The following ATG4C variants were observed in gnomAD, a reference collection of about 807,000 sequenced individuals.
ATG4C encodes autophagy related 4C cysteine peptidase.
Under a neutral mutation model 57.6 loss-of-function variants are expected in ATG4C, and 56 were observed. That is an observed-to-expected ratio of 0.97 (90% CI 0.78 to 1.21). ATG4C has a LOEUF of 1.21. Among genes scored for constraint, ATG4C ranks in the 50% most tolerant of loss-of-function variants. ATG4C has a pLI of 0.00. For synonymous variants in ATG4C, 157 were observed against 174.1 expected, an observed-to-expected ratio of 0.90 and a Z score of 0.78; for missense variants, 595 against 529.8, an observed-to-expected ratio of 1.12 and a Z score of -1.21.
chr1:62,820,185 TATAAAAGCATAATC>T (rs1393666483), intron 5 of ATG4C, among the ~76,000 whole-genome samples: 1 of 152,104 alleles, frequency 6.6e-6, no homozygotes, highest in Non-Finnish European at 1.5e-5. Flanking sequence ...GTATGACATT[TATAAAAGCATAATC>T]ATAAAAGCAT....
In ATG4C at chr1:62,805,210, T is replaced by A; in HGVS notation, c.115T>A (p.Ser39Thr). The stretch of plus-strand genomic sequence containing the variant: ...AACAAAGACGTATTTTAGTAGAAAT[T>A]CTCCTGTATTATTGCTTGGAAAATG... ...LKTKTYFSRN[S>T]PVLLLGKCYH... Residue 39 changes from serine (S) to threonine (T), a missense_variant, in exon 3 of 11, where the codon TCT becomes ACT. Physicochemically the swap from Ser to Thr is moderately conservative, Grantham distance 58. Coordinates refer to ENST00000317868, the MANE Select transcript of ATG4C (RefSeq NM_032852.4). 6.5e-7 allele frequency: 1 copy of A among 1,526,924 alleles called. No homozygotes were observed. Among genetic ancestry groups the A allele is most frequent in the Non-Finnish European group, 8.7e-7 (1 of 1,147,610 alleles). The allele number at this position is 1,526,924 out of a possible 1,614,324, so 94.6% of individuals were successfully genotyped here.
chr1:62,863,792 A>G (rs1468545697), intron 10 of ATG4C, among the ~76,000 whole-genome samples, 200 bp from the exon 11 acceptor site: 1 of 152,072 alleles, frequency 6.6e-6, no homozygotes, highest in African/African-American at 2.4e-5. Context: ...ATGAAGGAGC[A>G]TGCATTTACC....
chr1:62,859,688 T>C (rs1451034842), intron 10 of ATG4C, among the ~76,000 whole-genome samples: 1 of 136,302 alleles, frequency 7.3e-6, no homozygotes, highest in African/African-American at 2.7e-5. Flanking sequence ...ATTAACCATA[T>C]CTTTCTGTAA....
At chr1:62,835,355 A>T (rs1665967108) in intron 9 of ATG4C, 1 of 332,698 alleles carries the variant, frequency 3.0e-6, no homozygotes, top group Non-Finnish European at 6.1e-6. Flanking sequence ...TTGAGCTTTT[A>T]TTTCTTAACC....
At chr1:62,792,460 T>C (rs1461801782) in intron 1 of ATG4C, among the ~76,000 whole-genome samples, 1 of 152,154 alleles carries the variant, frequency 6.6e-6, no homozygotes, top group Non-Finnish European at 1.5e-5. Context: ...TCAGATGGGC[T>C]CTCCAATGGA....
chr1:62,820,634 T>C (rs1051658383), intron 5 of ATG4C, among the ~76,000 whole-genome samples: 37 of 152,236 alleles, frequency 2.4e-4, no homozygotes, highest in African/African-American at 8.4e-4. Flanking sequence ...GTTTTACTTA[T>C]ATAATTTCAA....
At chr1:62,850,941 T>C (rs1666505784) in intron 10 of ATG4C, among the ~76,000 whole-genome samples, 1 of 145,896 alleles carries the variant, frequency 6.9e-6, no homozygotes, top group Admixed American at 6.9e-5. Context: ...TTATCTATCA[T>C]CTGTTTATTC....
At chr1:62,804,480 T>C (rs1664790797) in intron 2 of ATG4C, among the ~76,000 whole-genome samples, 1 of 151,954 alleles carries the variant, frequency 6.6e-6, no homozygotes, top group Admixed American at 6.6e-5. Flanking sequence ...ACATATAGAA[T>C]TTATTCAGGT....
chr1:62,854,522 C>A (rs928891939), intron 10 of ATG4C, among the ~76,000 whole-genome samples: 3 of 152,116 alleles, frequency 2.0e-5, no homozygotes, highest in Non-Finnish European at 4.4e-5. Context: ...TGTGATCCTC[C>A]CACCTCGGCC....
chr1:62,845,010 C>T (rs1666286502), intron 10 of ATG4C, among the ~76,000 whole-genome samples: 1 of 151,858 alleles, frequency 6.6e-6, no homozygotes, highest in African/African-American at 2.4e-5. Flanking sequence ...TTTCTGAGAA[C>T]TTAAAACTCC....
chr1:62,803,334 C>T (rs1260632531), intron 1 of ATG4C, among the ~76,000 whole-genome samples: 1 of 152,154 alleles, frequency 6.6e-6, no homozygotes, highest in Non-Finnish European at 1.5e-5. Context: ...TTTCAAATCA[C>T]CTTCTCTAAT....
chr1:62,833,449 T>C (rs1665902961), intron 7 of ATG4C, among the ~76,000 whole-genome samples: 1 of 152,180 alleles, frequency 6.6e-6, no homozygotes, highest in Non-Finnish European at 1.5e-5. Flanking sequence ...ATTCCTGATA[T>C]TTTATGATTA....
At chr1:62,798,651 T>G (rs889692569) in intron 1 of ATG4C, among the ~76,000 whole-genome samples, 1 of 150,116 alleles carries the variant, frequency 6.7e-6, no homozygotes, top group Admixed American at 6.6e-5. Flanking sequence ...TAATATTTGT[T>G]TTTTTTTTTT....
chr1:62,864,089 A>G lies in ATG4C; in HGVS notation c.1307A>G (p.Glu436Gly). Residue 436 changes from glutamate (E) to glycine (G), a missense_variant, in exon 11 of 11, where the codon GAA becomes GGA. Transcript: ENST00000317868. ...YDFTSTTTNE[E>G]DLFSEDEKKQ... Reference sequence around the variant, plus strand: ...TTTACATCTACTACAACCAATGAAGAAGACCTTTTTTCAGAGGATGAAAAG... The same window carrying G: ...TTTACATCTACTACAACCAATGAAGGAGACCTTTTTTCAGAGGATGAAAAG... 6.2e-7 allele frequency: 1 copy of G among 1,608,282 alleles called. No individual in the cohort carries two copies. The highest frequency in any genetic ancestry group is 8.5e-7 in the Non-Finnish European group (1 of 1,177,600).
chr1:62,841,151 T>G (rs1175609129), intron 9 of ATG4C, among the ~76,000 whole-genome samples: 1 of 152,186 alleles, frequency 6.6e-6, no homozygotes, highest in East Asian at 1.9e-4. Context: ...GTGTTAGAAA[T>G]GCATACCACT....
chr1:62,865,423 G>C lies in ATG4C; in HGVS notation c.*1264G>C, dbSNP rs898830015. The C allele has an allele frequency of 6.6e-6, 1 of 151,830 alleles. No homozygotes were observed. The highest frequency in any genetic ancestry group is 2.4e-5 in the African/African-American group (1 of 41,390). The allele number at this position is 151,830 out of a possible 1,614,324, so 9.4% of individuals were successfully genotyped here. A position where few individuals can be genotyped will look rare whatever the true frequency, so the allele number is the denominator to read the frequency against. On this transcript the variant is annotated 3_prime_UTR_variant, in exon 11 of 11. Coordinates refer to ENST00000317868, the MANE Select transcript of ATG4C (RefSeq NM_032852.4). Reference sequence around the variant, plus strand: ...GTAAAGCTGAAAGAGAGGGTGGGCGGATTGTTTTAGTATACCTGATGAGAA... The same window carrying C: ...GTAAAGCTGAAAGAGAGGGTGGGCGCATTGTTTTAGTATACCTGATGAGAA...
Position 62,819,284 on chromosome 1 carries a change from G to A in ATG4C, c.674G>A (p.Gly225Glu), listed in dbSNP as rs531433477. 2.5e-6 allele frequency: 4 copies of A among 1,608,402 alleles called. No individual in the cohort carries two copies. The Admixed American group carries it at 6.8e-5, about 27-fold the overall frequency. Residue 225 changes from glycine to glutamate, a missense_variant, in exon 5 of 11, where the codon GGG becomes GAG. Coordinates refer to ENST00000317868, the MANE Select transcript of ATG4C (RefSeq NM_032852.4). ...HQLIEYGKKS[G>E]KKAGDWYGPA... ...CTAATAGAATATGGAAAGAAGTCTG[G>A]GAAAAAAGCAGGAGATTGGTATGGA...
intron 1 of ATG4C, among the ~76,000 whole-genome samples, chr1:62,786,949 T>C (rs1664110161): frequency 6.6e-6 from 1 of 152,062 alleles, no homozygotes; most frequent in South Asian, 2.1e-4. Context: ...GGTGGTAAGA[T>C]GGATTCCAGA....
intron 10 of ATG4C, among the ~76,000 whole-genome samples, chr1:62,854,795 CT>C (rs1194134732): frequency 6.6e-6 from 1 of 152,086 alleles, no homozygotes; most frequent in African/African-American, 2.4e-5. Context: ...AAGTGGTGGT[CT>C]TTTCTCTGGA....
Sources: gnomAD v4.1 joint callset for allele counts (sites outside exome capture counted in the v4.1 genomes callset) on GRCh38, gnomAD v4.1.1 for gene constraint, MANE v1.5 for transcripts, NCBI Gene and HGNC (gene_info 2026-07-23, HGNC 2026-07-21) for gene names.